The following FAM81A variants were observed in gnomAD, a reference collection of about 807,000 sequenced individuals.
FAM81A encodes the protein protein FAM81A.
FAM81A carries 19 observed loss-of-function variants against 46.7 expected under a neutral mutation model. The observed-to-expected ratio is 0.41, with a 90% CI of 0.28 to 0.60. FAM81A has a LOEUF of 0.60. Ranked by LOEUF, FAM81A falls within the 20% of genes least tolerant of loss-of-function variation. FAM81A has a pLI of 0.34. For synonymous variants in FAM81A, 183 were observed against 152.9 expected (o/e 1.20, Z -1.45); for missense variants, 377 against 453.5 (o/e 0.83, Z 1.53).
At chr15:59,488,608 C>G (rs2081947110) in intron 3 of FAM81A, among the ~76,000 whole-genome samples, 1 of 152,190 alleles carries the variant, frequency 6.6e-6, no homozygotes. Flanking sequence ...AAATTAGTGG[C>G]ATTTCTATAT....
intron 4 of FAM81A, among the ~76,000 whole-genome samples, chr15:59,505,767 T>C (rs2082142804): frequency 6.6e-6 from 1 of 152,166 alleles, no homozygotes; most frequent in South Asian, 2.1e-4. Flanking sequence ...CTGGGAAGTA[T>C]AGTTTGGGGC....
In FAM81A at chr15:59,441,966, A is replaced by G. The variant is rs534463720; in HGVS notation, c.-78+3684A>G. On this transcript the variant is annotated intron_variant, in intron 1 of 8. Coordinates refer to ENST00000288228, the MANE Select transcript of FAM81A (RefSeq NM_152450.3). The stretch of plus-strand genomic sequence containing the variant: ...CTCGCCCACTTGTACTACTTCCTCT[A>G]ATCCTCACTCCAACTCTGTGAGGCA... Among the ~76,000 whole-genome samples, 3 of 152,300 alleles carry G rather than the reference A, an allele frequency of 2.0e-5. No homozygotes were observed. The South Asian group carries it at 6.2e-4, about 32-fold the overall frequency.
chr15:59,489,169 G>A (rs2081953920), intron 3 of FAM81A, among the ~76,000 whole-genome samples: 1 of 152,000 alleles, frequency 6.6e-6, no homozygotes, highest in African/African-American at 2.4e-5. Context: ...GGAGGCTGAG[G>A]CAGGAGAATG....
At chr15:59,499,472 T>C (rs934372586) in intron 4 of FAM81A, among the ~76,000 whole-genome samples, 1 of 152,268 alleles carries the variant, frequency 6.6e-6, no homozygotes, top group South Asian at 2.1e-4. Context: ...TTGCTCGTTA[T>C]AATTACATAA....
intron 3 of FAM81A, among the ~76,000 whole-genome samples, chr15:59,478,225 A>T (rs1332714412): frequency 6.6e-6 from 1 of 152,020 alleles, no homozygotes; most frequent in African/African-American, 2.4e-5. Context: ...GAATCTGCGG[A>T]CCTACTTTAG....
chr15:59,491,535 A>G (rs1272467346), intron 3 of FAM81A, among the ~76,000 whole-genome samples: 1 of 152,212 alleles, frequency 6.6e-6, no homozygotes, highest in South Asian at 2.1e-4. Context: ...GTCAATAATA[A>G]TTTAATTGTA....
intron 2 of FAM81A, among the ~76,000 whole-genome samples, chr15:59,432,868 G>T (rs184213686): frequency 6.6e-6 from 1 of 151,944 alleles, no homozygotes; most frequent in Non-Finnish European, 1.5e-5. Context: ...GGGCATGGTG[G>T]CTCACGCCTG....
chr15:59,477,755 T>G (rs1353218414), intron 3 of FAM81A, among the ~76,000 whole-genome samples: 1 of 152,204 alleles, frequency 6.6e-6, no homozygotes, highest in Admixed American at 6.5e-5. Flanking sequence ...CTTATATTCT[T>G]TCAGCAGATA....
intron 3 of FAM81A, among the ~76,000 whole-genome samples, chr15:59,476,343 C>G (rs2081767923): frequency 6.6e-6 from 1 of 151,972 alleles, no homozygotes; most frequent in African/African-American, 2.4e-5. Context: ...CTGCCTTGGT[C>G]TTCCGAAGTG....
intron 1 of FAM81A, among the ~76,000 whole-genome samples, chr15:59,439,518 G>A (rs1437167655): frequency 1.3e-5 from 2 of 152,052 alleles, no homozygotes. Flanking sequence ...CCTCTTCCAC[G>A]GAGGGGAATG....
chr15:59,428,320 G>A (rs1284436395), intron 2 of FAM81A, among the ~76,000 whole-genome samples: 16 of 151,974 alleles, frequency 1.1e-4, no homozygotes, highest in African/African-American at 3.9e-4. Flanking sequence ...TGTCAGATGA[G>A]TCCTCTACTT....
At chr15:59,418,457 A>G (rs1235627753) in intron 2 of FAM81A, among the ~76,000 whole-genome samples, 1 of 152,206 alleles carries the variant, frequency 6.6e-6, no homozygotes, top group East Asian at 1.9e-4. Context: ...GTTCTCTTGA[A>G]TCCATTCTCC....
At position 59,442,966 on chromosome 15, in the gene FAM81A, G is replaced by A. The variant is rs1352306749; in HGVS notation, c.-78+4684G>A. On this transcript the variant is annotated intron_variant, in intron 1 of 8. Coordinates refer to ENST00000288228, the MANE Select transcript of FAM81A (RefSeq NM_152450.3). ...AAAAAGGACATTTTCTTGTATAAGT[G>A]CCAAAATCAGAAAATTAGCATTAAG... Among the ~76,000 whole-genome samples, 3 of 152,252 alleles carry A rather than the reference G, an allele frequency of 2.0e-5. No individual in the cohort carries two copies. In the East Asian group the frequency reaches 5.8e-4, roughly 29 times the overall value.
chr15:59,509,123 T>C (rs1024903654), intron 6 of FAM81A, among the ~76,000 whole-genome samples, 154 bp downstream of exon 6: 3 of 152,248 alleles, frequency 2.0e-5, no homozygotes, highest in Non-Finnish European at 4.4e-5. Context: ...ATGTTGCCAC[T>C]TTTCCTTCAT....
chr15:59,445,692 A>C (rs1433030438), intron 1 of FAM81A: 1 of 152,192 alleles, frequency 6.6e-6, no homozygotes, highest in East Asian at 1.9e-4. Context: ...TAGAACCAAA[A>C]GTCACCACCA....
At chr15:59,405,028 T>G (rs1352400870) in intron 2 of FAM81A, among the ~76,000 whole-genome samples, 1 of 152,216 alleles carries the variant, frequency 6.6e-6, no homozygotes, top group Non-Finnish European at 1.5e-5. Flanking sequence ...TGCTCTCTTC[T>G]GTCTGCCAAG....
At chr15:59,447,104 T>G (rs575721067) in intron 1 of FAM81A, among the ~76,000 whole-genome samples, 3 of 152,368 alleles carry the variant, frequency 2.0e-5, no homozygotes, top group African/African-American at 7.2e-5. Flanking sequence ...TGCCACTATT[T>G]ACATTTCAGT....
At chr15:59,464,828 T>G (rs1458437895) in intron 3 of FAM81A, among the ~76,000 whole-genome samples, 2 of 152,078 alleles carry the variant, frequency 1.3e-5, no homozygotes, top group Non-Finnish European at 2.9e-5. Context: ...ATATAATCCA[T>G]TTGTTTATTT....
Position 59,492,360 on chromosome 15 carries a change from T to C in FAM81A, c.384T>C (p.Gly128=). Residue 128 remains glycine, a synonymous_variant, in exon 4 of 9, where the codon GGT becomes GGC. Coordinates refer to ENST00000288228, the MANE Select transcript of FAM81A (RefSeq NM_152450.3). ...CCCTGGAGATGCGCCAGCTCTCCGG[T>C]TTGGGAGATCTTCGAGGAAGAGTGG... ...LKTLEMRQLS[G]LGDLRGRVAR... The C allele has an allele frequency of 6.2e-7, 1 of 1,613,630 alleles. No individual in the cohort carries two copies. Among genetic ancestry groups the C allele is most frequent in the Non-Finnish European group, 8.5e-7 (1 of 1,179,794 alleles).
Sources: gnomAD v4.1 joint callset for allele counts (sites outside exome capture counted in the v4.1 genomes callset) on GRCh38, gnomAD v4.1.1 for gene constraint, MANE v1.5 for transcripts, NCBI Gene and HGNC (gene_info 2026-07-23, HGNC 2026-07-21) for gene names.